EEF1AKMT1: variants seen among roughly 807,000 people sequenced by gnomAD.
EEF1AKMT1 encodes the protein EEF1A lysine methyltransferase 1, also known as N-6 adenine-specific DNA methyltransferase 2 (putative).
Under a neutral mutation model 21.0 loss-of-function variants are expected in EEF1AKMT1, and 18 were observed. The observed-to-expected ratio is 0.86, with a 90% CI of 0.59 to 1.27. EEF1AKMT1 has a LOEUF of 1.27. EEF1AKMT1 is among the 50% of genes most tolerant of loss of function. The pLI, the probability that EEF1AKMT1 is intolerant of heterozygous loss-of-function variation, is 0.00. For synonymous variants in EEF1AKMT1, 109 were observed against 94.8 expected (o/e 1.15, Z -0.87); for missense variants, 246 against 258.6 (o/e 0.95, Z 0.33).
chr13:20,746,318 A>AT (rs1377320874), intron 2 of EEF1AKMT1, among the ~76,000 whole-genome samples: 2 of 151,946 alleles, frequency 1.3e-5, no homozygotes, highest in African/African-American at 2.4e-5. Flanking sequence ...ACACCTGGCT[A>AT]TTTTTTGTAT....
At chr13:20,756,837 C>T (rs2058974416) in intron 2 of EEF1AKMT1, among the ~76,000 whole-genome samples, 1 of 152,174 alleles carries the variant, frequency 6.6e-6, no homozygotes, top group Non-Finnish European at 1.5e-5. Context: ...TTCACCTTTA[C>T]CTTTTTTGCA....
Position 20,742,515 on chromosome 13 carries a change from T to G in EEF1AKMT1, c.145-4710A>C, listed in dbSNP as rs75484365. Among the ~76,000 whole-genome samples, 500 of 152,320 alleles carry G rather than the reference T, an allele frequency of 3.3e-3. 2 individuals carry two copies. The highest frequency in any genetic ancestry group is 0.014 in the Middle Eastern group (4 of 294). On this transcript the variant is annotated intron_variant, in intron 2 of 4. Coordinates refer to ENST00000382758, the MANE Select transcript of EEF1AKMT1 (RefSeq NM_001318939.2). Reference sequence around the variant, plus strand: ...AAAATATGACCATTCTGTAATCACATCTGAGTACAGATAAAACAAGAACAC... The same window carrying G: ...AAAATATGACCATTCTGTAATCACAGCTGAGTACAGATAAAACAAGAACAC...
At chr13:20,761,933 C>T (rs906362892) in intron 1 of EEF1AKMT1, among the ~76,000 whole-genome samples, 5 of 151,998 alleles carry the variant, frequency 3.3e-5, no homozygotes, top group African/African-American at 4.8e-5. Flanking sequence ...CTTGTCTCTA[C>T]AAAAATGTTT....
rs1595008722 is a variant in EEF1AKMT1 at position 20,730,115 on chromosome 13, G to GCTTCC, written c.509-900_509-899insGGAAG. Among the ~76,000 whole-genome samples the GCTTCC allele has an allele frequency of 3.9e-5, 6 of 152,340 alleles. No individual in the cohort carries two copies. The East Asian group carries it at 1.2e-3, about 29-fold the overall frequency. ...CCCTGGGTCTCTGTTACTCTTCTCA[G>GCTTCC]AGTTAGTGCTTCCAGCCTTTAGTCT... On this transcript the variant is annotated intron_variant, in intron 4 of 4. Coordinates refer to ENST00000382758, the MANE Select transcript of EEF1AKMT1 (RefSeq NM_001318939.2).
intron 3 of EEF1AKMT1, among the ~76,000 whole-genome samples, chr13:20,735,355 G>A (rs2058820932): frequency 6.6e-6 from 1 of 152,144 alleles, no homozygotes; most frequent in African/African-American, 2.4e-5. Flanking sequence ...GCAGAAAACT[G>A]GAGGAGTGTT....
At chr13:20,765,224 C>G (rs1848261053) in intron 1 of EEF1AKMT1, among the ~76,000 whole-genome samples, 1 of 151,986 alleles carries the variant, frequency 6.6e-6, no homozygotes, top group African/African-American at 2.4e-5. Context: ...CGTGCCACTG[C>G]ACTCCAGCCC....
At chr13:20,744,979 A>G (rs533350218) in intron 2 of EEF1AKMT1, among the ~76,000 whole-genome samples, 1 of 152,272 alleles carries the variant, frequency 6.6e-6, no homozygotes, top group East Asian at 1.9e-4. Context: ...AGGTTTGTCA[A>G]AGATCAGATG....
intron 4 of EEF1AKMT1, among the ~76,000 whole-genome samples, chr13:20,731,604 G>T (rs1025544059): frequency 1.3e-5 from 2 of 152,226 alleles, no homozygotes; most frequent in Non-Finnish European, 2.9e-5. Flanking sequence ...CATTCATCAA[G>T]TAGTCACCAT....
At chr13:20,738,978 T>C (rs1186153655) in intron 2 of EEF1AKMT1, among the ~76,000 whole-genome samples, 1 of 152,220 alleles carries the variant, frequency 6.6e-6, no homozygotes, top group Non-Finnish European at 1.5e-5. Context: ...ACCCTCACGA[T>C]GAGTGTGACA....
chr13:20,739,215 T>C (rs775359291), intron 2 of EEF1AKMT1, among the ~76,000 whole-genome samples: 10 of 151,934 alleles, frequency 6.6e-5, no homozygotes, highest in Non-Finnish European at 1.2e-4. Context: ...GTTTCAGGAG[T>C]GAAGCTGGAG....
At chr13:20,730,008 G>A (rs1172814473) in intron 4 of EEF1AKMT1, among the ~76,000 whole-genome samples, 1 of 152,204 alleles carries the variant, frequency 6.6e-6, no homozygotes, top group African/African-American at 2.4e-5. Context: ...AGGCACTGGG[G>A]GCCTCCTGCC....
In EEF1AKMT1 at chr13:20,728,961, G is replaced by A. The variant is rs2058774625; in HGVS notation, c.*119C>T. 2 of 1,349,168 alleles carry A rather than the reference G, an allele frequency of 1.5e-6. No homozygotes were observed. The highest frequency in any genetic ancestry group is 3.7e-5 in the Admixed American group (2 of 54,728). The allele number at this position is 1,349,168 out of a possible 1,614,324, so 83.6% of individuals were successfully genotyped here. On this transcript the variant is annotated 3_prime_UTR_variant, in exon 5 of 5. Coordinates refer to ENST00000382758, the MANE Select transcript of EEF1AKMT1 (RefSeq NM_001318939.2). ...ATCGCACACTTTATTTTGAAAACCA[G>A]GCCAGGGACAGCTCCAGTTTGGGGG...
intron 3 of EEF1AKMT1, among the ~76,000 whole-genome samples, chr13:20,735,631 T>C (rs191603471): frequency 6.8e-4 from 104 of 152,276 alleles, no homozygotes; most frequent in Non-Finnish European, 1.2e-3. Context: ...ATGCTCCAAC[T>C]GTAGAGATCA....
intron 3 of EEF1AKMT1, among the ~76,000 whole-genome samples, chr13:20,732,400 C>T (rs1024103102): frequency 3.9e-5 from 6 of 152,070 alleles, no homozygotes; most frequent in South Asian, 2.1e-4. Context: ...GGCGTGATCT[C>T]GGCTCACTGC....
intron 1 of EEF1AKMT1, among the ~76,000 whole-genome samples, chr13:20,766,767 A>G (rs962418470): frequency 1.3e-5 from 2 of 151,912 alleles, no homozygotes; most frequent in Non-Finnish European, 2.9e-5. Context: ...GGTTGCAGCG[A>G]GCCAAGATCA....
chr13:20,763,567 C>T (rs1316524850), intron 1 of EEF1AKMT1, among the ~76,000 whole-genome samples: 1 of 152,066 alleles, frequency 6.6e-6, no homozygotes, highest in Non-Finnish European at 1.5e-5. Context: ...ATTTTCCAGC[C>T]TCAGCCTCCC....
At chr13:20,766,074 C>T (rs1210634331) in intron 1 of EEF1AKMT1, among the ~76,000 whole-genome samples, 3 of 150,546 alleles carry the variant, frequency 2.0e-5, no homozygotes, top group Non-Finnish European at 3.0e-5. Flanking sequence ...CCAAGGTGGG[C>T]AGATCATGAG....
At chr13:20,735,205 G>A (rs1203398023) in intron 3 of EEF1AKMT1, among the ~76,000 whole-genome samples, 1 of 152,142 alleles carries the variant, frequency 6.6e-6, no homozygotes, top group Non-Finnish European at 1.5e-5. Context: ...CTCAGGATGC[G>A]ACAGAACCCG....
chr13:20,739,849 CAG>C (rs1280855478), intron 2 of EEF1AKMT1, among the ~76,000 whole-genome samples: 1 of 152,262 alleles, frequency 6.6e-6, no homozygotes, highest in African/African-American at 2.4e-5. Context: ...CCACCTGACT[CAG>C]GAGCCCAGCT....
Sources: gnomAD v4.1 joint callset for allele counts (sites outside exome capture counted in the v4.1 genomes callset) on GRCh38, gnomAD v4.1.1 for gene constraint, MANE v1.5 for transcripts, NCBI Gene and HGNC (gene_info 2026-07-23, HGNC 2026-07-21) for gene names.